NRG3: variants seen among roughly 807,000 people sequenced by gnomAD.
NRG3 encodes neuregulin 3.
NRG3 carries 31 observed loss-of-function variants against 66.9 expected under a neutral mutation model. The ratio of observed to expected loss-of-function variants is 0.46; its 90% CI spans 0.35 to 0.63. The LOEUF is 0.63. Among genes scored for constraint, NRG3 ranks in the 20% least tolerant of loss-of-function variants. NRG3 has a pLI of 0.00. For missense variants in NRG3, 910 were observed against 878.9 expected, an observed-to-expected ratio of 1.04 and a Z score of -0.45; for synonymous variants, 393 against 359.4, an observed-to-expected ratio of 1.09 and a Z score of -1.06.
At chr10:82,684,951 T>C (rs949127004) in intron 2 of NRG3, among the ~76,000 whole-genome samples, 5 of 152,196 alleles carry the variant, frequency 3.3e-5, no homozygotes, top group Non-Finnish European at 5.9e-5. Flanking sequence ...CTTTAGGATA[T>C]CTGGAGTATC....
chr10:82,411,948 T>G (rs2136161185), intron 2 of NRG3, among the ~76,000 whole-genome samples: 1 of 152,168 alleles, frequency 6.6e-6, no homozygotes, highest in Non-Finnish European at 1.5e-5. Context: ...GAAAGCGAGA[T>G]AAACTGAGTC....
intron 2 of NRG3, among the ~76,000 whole-genome samples, chr10:82,562,658 A>G (rs906629315): frequency 3.9e-5 from 6 of 152,168 alleles, no homozygotes; most frequent in East Asian, 1.9e-4. Flanking sequence ...TCATGGCTGA[A>G]TATAGTAAAA....
intron 3 of NRG3, among the ~76,000 whole-genome samples, chr10:82,805,646 A>G (rs1464868014): frequency 6.6e-6 from 1 of 152,078 alleles, no homozygotes; most frequent in Non-Finnish European, 1.5e-5. Flanking sequence ...AAGCAGACAC[A>G]TGAGTTAAGA....
chr10:82,946,787 T>C (rs1849069452), intron 4 of NRG3, among the ~76,000 whole-genome samples: 1 of 152,318 alleles, frequency 6.6e-6, no homozygotes, highest in East Asian at 1.9e-4. Flanking sequence ...TTAATTTATA[T>C]ATTAAAAGGT....
At chr10:82,591,863 T>C (rs2047003534) in intron 2 of NRG3, among the ~76,000 whole-genome samples, 3 of 152,210 alleles carry the variant, frequency 2.0e-5, no homozygotes, top group Admixed American at 2.0e-4. Context: ...GTTACTTCTA[T>C]CTTACAGGGC....
chr10:82,331,912 G>A (rs2082154917), intron 1 of NRG3, among the ~76,000 whole-genome samples: 1 of 152,226 alleles, frequency 6.6e-6, no homozygotes, highest in Non-Finnish European at 1.5e-5. Flanking sequence ...GCCAAGGAGT[G>A]TGCATGAGCG....
At chr10:82,195,956 A>G (rs1187688195) in intron 1 of NRG3, among the ~76,000 whole-genome samples, 2 of 152,174 alleles carry the variant, frequency 1.3e-5, no homozygotes. Context: ...AGCTCTGCTG[A>G]TATTTTGATT....
chr10:81,907,061 G>C (rs1049341767), intron 1 of NRG3, among the ~76,000 whole-genome samples: 1 of 152,156 alleles, frequency 6.6e-6, no homozygotes. Context: ...TGAGATGCCT[G>C]TTAGACTTCC....
intron 2 of NRG3, among the ~76,000 whole-genome samples, chr10:82,380,333 C>T (rs1043400735): frequency 1.3e-5 from 2 of 152,022 alleles, no homozygotes; most frequent in Non-Finnish European, 2.9e-5. Context: ...GTTATTGGAA[C>T]TTATTCACAA....
chr10:82,189,941 C>T (rs2133337304), intron 1 of NRG3, among the ~76,000 whole-genome samples: 1 of 152,034 alleles, frequency 6.6e-6, no homozygotes, highest in East Asian at 1.9e-4. Context: ...CCAGCCTGGA[C>T]AACAGAGCGA....
chr10:81,911,603 G>GGTTTTTTTTTTTTTTT (rs1306854861), intron 1 of NRG3, among the ~76,000 whole-genome samples: 1 of 77,944 alleles, frequency 1.3e-5, no homozygotes, highest in Non-Finnish European at 2.6e-5. Context: ...GCACAGACTT[G>GGTTTTTTTTTTTTTTT]TTTTTTTTTT....
chr10:82,582,306 C>G (rs1474357575), intron 2 of NRG3, among the ~76,000 whole-genome samples: 1 of 152,006 alleles, frequency 6.6e-6, no homozygotes, highest in African/African-American at 2.4e-5. Context: ...GGATACATAT[C>G]TCTTATTAAG....
At chr10:82,868,987 C>T (rs944707924) in intron 4 of NRG3, among the ~76,000 whole-genome samples, 4 of 152,100 alleles carry the variant, frequency 2.6e-5, no homozygotes, top group African/African-American at 7.2e-5. Flanking sequence ...CCACCACACC[C>T]GGCTAGATTT....
intron 2 of NRG3, among the ~76,000 whole-genome samples, chr10:82,379,056 C>T (rs2085443813): frequency 6.6e-6 from 1 of 152,140 alleles, no homozygotes; most frequent in Non-Finnish European, 1.5e-5. Flanking sequence ...ATCCTTCTTT[C>T]TCCAAATCCT....
At chr10:82,975,203 A>T (rs1852137191) in intron 7 of NRG3, among the ~76,000 whole-genome samples, 1 of 152,216 alleles carries the variant, frequency 6.6e-6, no homozygotes, top group Non-Finnish European at 1.5e-5. Context: ...AATAAGTCCA[A>T]TATTACCAGT....
intron 1 of NRG3, among the ~76,000 whole-genome samples, chr10:81,879,750 AT>A (rs1195740336): frequency 1.3e-5 from 2 of 152,192 alleles, no homozygotes; most frequent in Non-Finnish European, 1.5e-5. Flanking sequence ...ACCTACTGTA[AT>A]TTTTAAGAGA....
chr10:82,137,436 G>A (rs1472253538), intron 1 of NRG3, among the ~76,000 whole-genome samples: 2 of 152,130 alleles, frequency 1.3e-5, no homozygotes, highest in African/African-American at 4.8e-5. Flanking sequence ...TGGAAACACA[G>A]CTCCAGCTAG....
chr10:82,917,091 T>A (rs1184984395), intron 4 of NRG3, among the ~76,000 whole-genome samples: 3 of 152,230 alleles, frequency 2.0e-5, no homozygotes, highest in Non-Finnish European at 2.9e-5. Flanking sequence ...GGGAATGTAA[T>A]CATACTGCTG....
intron 1 of NRG3, among the ~76,000 whole-genome samples, chr10:82,321,912 T>C (rs2081599259): frequency 6.6e-6 from 1 of 152,204 alleles, no homozygotes; most frequent in African/African-American, 2.4e-5. Context: ...TTGCCAGACC[T>C]CCTGGGGCAT....
Sources: allele counts gnomAD v4.1 joint callset (sites outside exome capture counted in the v4.1 genomes callset), GRCh38; gene constraint gnomAD v4.1.1; transcripts MANE v1.5; gene names NCBI Gene and HGNC (gene_info 2026-07-23, HGNC 2026-07-21).